The following SLCO2A1 variants were observed in gnomAD, a reference collection of about 807,000 sequenced individuals.
SLCO2A1 encodes matrin F/G 1.
Under a neutral mutation model 71.7 loss-of-function variants are expected in SLCO2A1, and 60 were observed. The observed-to-expected ratio is 0.84, with a 90% CI of 0.68 to 1.04. SLCO2A1 has a LOEUF of 1.04. Ranked by LOEUF, SLCO2A1 falls within the 50% of genes least tolerant of loss-of-function variation. SLCO2A1 has a pLI of 0.00. For synonymous variants in SLCO2A1, 308 were observed against 326.7 expected (o/e 0.94, Z 0.62); for missense variants, 745 against 813.4 (o/e 0.92, Z 1.02).
chr3:133,985,152 AC>A (rs1934684637), intron 1 of SLCO2A1, among the ~76,000 whole-genome samples: 1 of 152,230 alleles, frequency 6.6e-6, no homozygotes, highest in South Asian at 2.1e-4. Flanking sequence ...ACAATGTGTT[AC>A]CAGAACATCA....
At chr3:133,968,167 T>A (rs1055002334) in intron 3 of SLCO2A1, among the ~76,000 whole-genome samples, 1 of 144,124 alleles carries the variant, frequency 6.9e-6, no homozygotes, top group Non-Finnish European at 1.5e-5. Context: ...GTCCTTCCCA[T>A]CCCCACATGC....
chr3:133,981,306 G>A (rs535591739), intron 1 of SLCO2A1, among the ~76,000 whole-genome samples: 3 of 152,272 alleles, frequency 2.0e-5, no homozygotes, highest in South Asian at 2.1e-4. Flanking sequence ...AGAATCTGGC[G>A]AGGCATCTGA....
chr3:134,027,648 C>A (rs1383781021), intron 1 of SLCO2A1, among the ~76,000 whole-genome samples: 1 of 152,200 alleles, frequency 6.6e-6, no homozygotes, highest in African/African-American at 2.4e-5. Flanking sequence ...GCTACACCAC[C>A]ATGTCATACA....
chr3:133,953,130 A>G (rs1933789452), intron 5 of SLCO2A1, among the ~76,000 whole-genome samples: 1 of 151,760 alleles, frequency 6.6e-6, no homozygotes, highest in Non-Finnish European at 1.5e-5. Context: ...TCTGCCTCCC[A>G]GGTTCACGCC....
intron 1 of SLCO2A1, among the ~76,000 whole-genome samples, chr3:134,018,877 G>A (rs930222746): frequency 3.3e-5 from 5 of 151,958 alleles, no homozygotes; most frequent in Non-Finnish European, 7.4e-5. Context: ...TAAGCTAGAG[G>A]CAACAGAGAC....
chr3:133,960,131 A>G (rs1415663622), intron 3 of SLCO2A1, among the ~76,000 whole-genome samples: 2 of 119,880 alleles, frequency 1.7e-5, no homozygotes, highest in East Asian at 3.9e-4. Flanking sequence ...AAAATAAATA[A>G]ATAAATAAAT....
At chr3:134,029,620 C>A (rs1337784972) in intron 1 of SLCO2A1, 87 bp downstream of exon 1, 25 of 1,142,278 alleles carry the variant, frequency 2.2e-5, no homozygotes, top group Non-Finnish European at 2.9e-5. Context: ...CCCGGAGCCT[C>A]CTGGCTCCGG....
chr3:134,005,303 C>A (rs1241432285), intron 1 of SLCO2A1, among the ~76,000 whole-genome samples: 3 of 152,104 alleles, frequency 2.0e-5, no homozygotes, highest in Non-Finnish European at 4.4e-5. Flanking sequence ...AATCATCTTT[C>A]TTTAGCTGGC....
chr3:133,935,982 C>G, intron 12 of SLCO2A1, 85 bp from the exon 13 acceptor site: 1 of 1,374,024 alleles, frequency 7.3e-7, no homozygotes, highest in Non-Finnish European at 9.6e-7. Context: ...GTCCCCGACA[C>G]AGTTCACATA....
At chr3:133,949,746 G>T (rs1933689932) in intron 6 of SLCO2A1, among the ~76,000 whole-genome samples, 1 of 152,194 alleles carries the variant, frequency 6.6e-6, no homozygotes, top group Admixed American at 6.5e-5. Context: ...ACTCTAATTA[G>T]CTGGAGCACT....
Position 133,966,914 on chromosome 3 carries a change from A to G in SLCO2A1, c.397+6749T>C, listed in dbSNP as rs1318884118. Among the ~76,000 whole-genome samples the G allele has an allele frequency of 3.3e-5, 5 of 152,220 alleles. No individual in the cohort carries two copies. The East Asian group carries it at 7.7e-4, about 23-fold the overall frequency. On this transcript the variant is annotated intron_variant, in intron 3 of 13. Coordinates refer to ENST00000310926, the MANE Select transcript of SLCO2A1 (RefSeq NM_005630.3). Reference sequence around the variant, plus strand: ...TCAAGGCATCTTGCAGGGAGGATCAATGGTTTCTTTGAACCACATTTCCCT... The same window carrying G: ...TCAAGGCATCTTGCAGGGAGGATCAGTGGTTTCTTTGAACCACATTTCCCT...
At chr3:134,016,642 T>C (rs1284580395) in intron 1 of SLCO2A1, among the ~76,000 whole-genome samples, 1 of 152,186 alleles carries the variant, frequency 6.6e-6, no homozygotes, top group African/African-American at 2.4e-5. Context: ...TTTTAAAAAA[T>C]ATCTCACCAT....
In SLCO2A1 at chr3:133,973,703, G is replaced by A; in HGVS notation, c.357C>T (p.His119=). 1.9e-6 allele frequency: 3 copies of A among 1,614,140 alleles called. No homozygotes were observed. In the South Asian group the frequency reaches 3.3e-5, roughly 18 times the overall value. Residue 119 remains histidine, a synonymous_variant, in exon 3 of 14, where the codon CAC becomes CAT. Coordinates refer to ENST00000310926, the MANE Select transcript of SLCO2A1 (RefSeq NM_005630.3). ...AAGAFILTLP[H]FLSEPYQYTL... ...TGTACTGGTAGGGCTCGGAGAGGAA[G>A]TGTGGGAGGGTGAGGATGAAGGCAC...
rs1553756509 is a variant in SLCO2A1, at chr3:133,983,075, GT to G, written c.97-3458del. 3.3e-5 allele frequency among the ~76,000 whole-genome samples: 5 copies of G among 152,222 alleles called. No homozygotes were observed. In the South Asian group the frequency reaches 1.0e-3, roughly 32 times the overall value. Reference sequence around the variant, plus strand: ...ACAATGACACTCTATCAAGGGGTGGGTTCTGTGTTCTCTCCCTCTGAATATG... The same window carrying G: ...ACAATGACACTCTATCAAGGGGTGGGTCTGTGTTCTCTCCCTCTGAATATG... On this transcript the variant is annotated intron_variant, in intron 1 of 13. Coordinates refer to ENST00000310926, the MANE Select transcript of SLCO2A1 (RefSeq NM_005630.3).
chr3:133,937,976 G>C (rs915499878), intron 12 of SLCO2A1, among the ~76,000 whole-genome samples: 1 of 152,196 alleles, frequency 6.6e-6, no homozygotes, highest in South Asian at 2.1e-4. Context: ...AGGGCAGGCA[G>C]GACTCACCAG....
chr3:134,029,542 A>G (rs1468936442), intron 1 of SLCO2A1, among the ~76,000 whole-genome samples, 165 bp downstream of exon 1: 4 of 151,746 alleles, frequency 2.6e-5, no homozygotes, highest in Admixed American at 2.6e-4. Flanking sequence ...ACACACTCGC[A>G]CACACACGCC....
At chr3:134,024,227 C>G (rs761812595) in intron 1 of SLCO2A1, among the ~76,000 whole-genome samples, 2 of 152,180 alleles carry the variant, frequency 1.3e-5, no homozygotes, top group Non-Finnish European at 2.9e-5. Context: ...TTTCATCAAC[C>G]AGAAGGAGAA....
chr3:133,974,869 G>A (rs1373804333), intron 2 of SLCO2A1, among the ~76,000 whole-genome samples: 1 of 152,180 alleles, frequency 6.6e-6, no homozygotes, highest in African/African-American at 2.4e-5. Context: ...GTGGAGAAAC[G>A]GGTACTCCTA....
At position 133,955,017 on chromosome 3, in the gene SLCO2A1, T is replaced by A; in HGVS notation, c.574A>T (p.Ile192Phe). 2.5e-6 allele frequency: 4 copies of A among 1,614,026 alleles called. No homozygotes were observed. Among genetic ancestry groups the A allele is most frequent in the Non-Finnish European group, 3.4e-6 (4 of 1,180,002 alleles). The change falls in exon 4 of 14, where the codon ATC (isoleucine) becomes TTC (phenylalanine). Residue 192 changes from isoleucine (I) to phenylalanine (F), a missense_variant. Coordinates refer to ENST00000310926, the MANE Select transcript of SLCO2A1 (RefSeq NM_005630.3). ...IGTVPIQPFG[I>F]SYVDDFSEPS... The stretch of plus-strand genomic sequence containing the variant: ...TCTGAGAAGTCATCCACATAGGAGA[T>A]CCCAAATGGCTGAATAGGCACTGTC...
Sources: gnomAD v4.1 joint callset for allele counts (sites outside exome capture counted in the v4.1 genomes callset) on GRCh38, gnomAD v4.1.1 for gene constraint, MANE v1.5 for transcripts, NCBI Gene and HGNC (gene_info 2026-07-23, HGNC 2026-07-21) for gene names.